Variants in ERMARD observed in about 807,000 individuals in gnomAD.
ERMARD encodes endoplasmic reticulum membrane-associated RNA degradation protein.
Under a neutral mutation model 83.9 loss-of-function variants are expected in ERMARD, and 71 were observed. The ratio of observed to expected loss-of-function variants is 0.85; its 90% CI spans 0.70 to 1.03. The LOEUF (loss-of-function observed/expected upper bound fraction) is 1.03, where lower values mean the gene tolerates loss of function less well. Among genes scored for constraint, ERMARD ranks in the 50% least tolerant of loss-of-function variants. The pLI is 0.00. For missense variants in ERMARD, 838 were observed against 810.9 expected (o/e 1.03, Z -0.41); for synonymous variants, 284 against 298.6 (o/e 0.95, Z 0.50).
intron 12 of ERMARD, among the ~76,000 whole-genome samples, chr6:169,772,368 G>T (rs1460900691): frequency 1.3e-5 from 2 of 152,158 alleles, no homozygotes; most frequent in East Asian, 1.9e-4. Flanking sequence ...CACACTCCCT[G>T]GTGCACTCCA....
At chr6:169,760,004 T>A (rs766505733) in intron 7 of ERMARD, 30 bp downstream of exon 7, 2 of 1,613,260 alleles carry the variant, frequency 1.2e-6, no homozygotes, top group South Asian at 2.2e-5. Context: ...TTTTTCCTTA[T>A]AGCTTTGCGT....
At chr6:169,776,950 T>G (rs534720039) in intron 16 of ERMARD, among the ~76,000 whole-genome samples, 152 of 152,302 alleles carry the variant, frequency 1.0e-3, no homozygotes, top group African/African-American at 3.5e-3. Flanking sequence ...GGGCGAAGTT[T>G]GCTTTTACAC....
At position 169,779,172 on chromosome 6, in the gene ERMARD, C is replaced by G; in HGVS notation, c.1740-10C>G. 1 of 1,605,998 alleles carries G rather than the reference C, an allele frequency of 6.2e-7. No individual in the cohort carries two copies. The highest frequency in any genetic ancestry group is 8.5e-7 in the Non-Finnish European group (1 of 1,172,614). On this transcript the variant is annotated splice_polypyrimidine_tract_variant and intron_variant, in intron 16 of 17. Transcript: ENST00000366773. ...TCCTCACATTTTAATTTACTTTTAT[C>G]TGTTTTTAGTATCAGACTACTGTCC... is the stretch of plus-strand genomic sequence containing the variant.
At chr6:169,775,875 T>C in intron 14 of ERMARD, 65 bp from the exon 15 acceptor site, 1 of 1,577,438 alleles carries the variant, frequency 6.3e-7, no homozygotes, top group Non-Finnish European at 8.6e-7. Flanking sequence ...TGAACATTCT[T>C]GTGCACAGGC....
upstream of ERMARD, chr6:169,751,439 C>T: frequency 6.2e-7 from 1 of 1,614,066 alleles, no homozygotes. Context: ...CGACTTCACG[C>T]CTCGGCCTCG....
intron 6 of ERMARD, 140 bp downstream of exon 6, chr6:169,759,205 A>C: frequency 1.3e-6 from 1 of 742,210 alleles, no homozygotes; most frequent in Non-Finnish European, 2.2e-6. Flanking sequence ...AAAATTGAAT[A>C]TTACTAGTGT....
At chr6:169,752,066 A>G in intron 1 of ERMARD, 1 of 216,024 alleles carries the variant, frequency 4.6e-6, no homozygotes. Flanking sequence ...CGGACAGTAA[A>G]TTTGTGTTCA....
At chr6:169,774,062 G>T (rs780775439) in intron 13 of ERMARD, among the ~76,000 whole-genome samples, 5 of 152,190 alleles carry the variant, frequency 3.3e-5, no homozygotes, top group African/African-American at 4.8e-5. Flanking sequence ...GAGGCTGGGC[G>T]CAGTGTCTCA....
intron 9 of ERMARD, 121 bp from the exon 10 acceptor site, chr6:169,766,517 G>A (rs1011419469): frequency 4.4e-6 from 3 of 681,746 alleles, no homozygotes; most frequent in Admixed American, 3.4e-5. Flanking sequence ...ATGAATGTTT[G>A]TTTTAACAAA....
rs575283591 is a variant in ERMARD, at chr6:169,759,698, A to G, written c.606-140A>G. 1.8e-4 allele frequency: 141 copies of G among 804,570 alleles called. 1 individual carries two copies. The Middle Eastern group carries it at 2.8e-3, about 16-fold the overall frequency. 49.8% of individuals were successfully genotyped at this position (804,570 alleles called of 1,614,324 possible). A position where few individuals can be genotyped will look rare whatever the true frequency, so the allele number is the denominator to read the frequency against. On this transcript the variant is annotated intron_variant, in intron 6 of 17. Coordinates refer to ENST00000366773, the MANE Select transcript of ERMARD (RefSeq NM_018341.3). ...CGGCCTCCCAGAGTTCTGGGATTAC[A>G]GGCATGAGCCACCGTGATCGGACAG...
intron 9 of ERMARD, among the ~76,000 whole-genome samples, chr6:169,765,120 T>C (rs1792040727): frequency 6.6e-6 from 1 of 152,236 alleles, no homozygotes; most frequent in Non-Finnish European, 1.5e-5. Flanking sequence ...TGCTTCATGA[T>C]ACCTGCATGG....
rs1211412748 is a variant in ERMARD, at chr6:169,755,309, G to A, written c.202G>A (p.Val68Met). 12 of 1,613,922 alleles carry A rather than the reference G, an allele frequency of 7.4e-6. No homozygotes were observed. Among genetic ancestry groups the A allele is most frequent in the East Asian group, 4.5e-5 (2 of 44,896 alleles). Residue 68 changes from valine (V) to methionine (M), a missense_variant, in exon 3 of 18, where the codon GTG becomes ATG. Physicochemically the swap from Val to Met is conservative, Grantham distance 21. Coordinates refer to ENST00000366773, the MANE Select transcript of ERMARD (RefSeq NM_018341.3). ...SEQGLDYWGS[V>M]RLLGPVCEAV... ...GCAGGGTCTGGATTACTGGGGAAGC[G>A]TGAGGCTGCTGGGCCCTGTGTGTGA...
chr6:169,776,754 G>A, intron 16 of ERMARD, 81 bp downstream of exon 16: 1 of 1,486,070 alleles, frequency 6.7e-7, no homozygotes, highest in Non-Finnish European at 9.2e-7. Flanking sequence ...CTCACTTCCA[G>A]ACACACACAG....
intron 1 of ERMARD, among the ~76,000 whole-genome samples, chr6:169,752,162 A>G (rs896235797): frequency 6.6e-6 from 1 of 152,210 alleles, no homozygotes; most frequent in African/African-American, 2.4e-5. Flanking sequence ...TGGAGGCTGC[A>G]GTGAGCCGAG....
rs1793929427 is a variant in ERMARD, at chr6:169,779,217, T to C, written c.1775T>C (p.Leu592Pro). The change falls in exon 17 of 18, where the codon CTG (leucine) becomes CCG (proline). Residue 592 changes from leucine (L) to proline (P), a missense_variant. Transcript: ENST00000366773. ...RLLSPVLSLI[L>P]LLIALELVNI... The stretch of plus-strand genomic sequence containing the variant: ...CTGTCCCCTGTGCTCAGCCTGATAC[T>C]GTTACTCATTGCGCTGGAGTTGGTC... 1 of 1,614,278 alleles carries C rather than the reference T, an allele frequency of 6.2e-7. No homozygotes were observed.
intron 9 of ERMARD, among the ~76,000 whole-genome samples, chr6:169,763,482 C>T (rs1791807222): frequency 6.6e-6 from 1 of 152,230 alleles, no homozygotes; most frequent in Non-Finnish European, 1.5e-5. Flanking sequence ...AGGCCTTGGG[C>T]CAGGGCTTAG....
chr6:169,779,994 G>A (rs933744886), intron 17 of ERMARD, among the ~76,000 whole-genome samples: 1 of 152,202 alleles, frequency 6.6e-6, no homozygotes, highest in Non-Finnish European at 1.5e-5. Context: ...GGAAGTTCTG[G>A]ATATCTTGTT....
intron 11 of ERMARD, 36 bp from the exon 12 acceptor site, chr6:169,769,504 A>G (rs1352106000): frequency 1.9e-6 from 3 of 1,568,596 alleles, no homozygotes; most frequent in Non-Finnish European, 1.7e-6. Flanking sequence ...TGCTGCGGAT[A>G]CTAACAAAAT....
Position 169,776,568 on chromosome 6 carries a change from G to C in ERMARD, c.1634G>C (p.Arg545Pro). 6.2e-7 allele frequency: 1 copy of C among 1,614,206 alleles called. No homozygotes were observed. The highest frequency in any genetic ancestry group is 8.5e-7 in the Non-Finnish European group (1 of 1,180,036). The change falls in exon 16 of 18, where the codon CGT becomes CCT. Residue 545 changes from arginine (R) to proline (P), a missense_variant. By Grantham distance (103) the Arg-to-Pro change is moderately radical. Transcript: ENST00000366773. ...CGAAGCATCAGCGAACAGTGCCGCC[G>C]TGTGTCCAGCCAGGTCACCGTTGCC... Reference protein sequence around the residue: ...VLRSISEQCRRVSSQVTVASE... With the variant: ...VLRSISEQCRPVSSQVTVASE...
Sources: gnomAD v4.1 joint callset for allele counts (sites outside exome capture counted in the v4.1 genomes callset) on GRCh38, gnomAD v4.1.1 for gene constraint, MANE v1.5 for transcripts, NCBI Gene and HGNC (gene_info 2026-07-23, HGNC 2026-07-21) for gene names.